Variants in ALOX5 observed in about 807,000 individuals in gnomAD.
ALOX5 encodes arachidonate 5-lipoxygenase, also known as polyunsaturated fatty acid 5-lipoxygenase.
In ALOX5, 64 loss-of-function variants were observed where a neutral mutation model predicts 87.9. That is an observed-to-expected ratio of 0.73 (90% confidence interval 0.60 to 0.90). ALOX5 has a LOEUF of 0.90. Among genes scored for constraint, ALOX5 ranks in the 40% least tolerant of loss-of-function variants. ALOX5 has a pLI of 0.00. For missense variants in ALOX5, 822 were observed against 907.5 expected, an observed-to-expected ratio of 0.91 and a Z score of 1.21; for synonymous variants, 388 against 355.1, an observed-to-expected ratio of 1.09 and a Z score of -1.04.
At chr10:45,443,258 AC>A (rs1564450937) in intron 10 of ALOX5, 42 bp downstream of exon 10, 1 of 1,596,330 alleles carries the variant, frequency 6.3e-7, no homozygotes, top group Non-Finnish European at 8.5e-7. Flanking sequence ...AGGAGCCGGG[AC>A]CCCTGCCTGA....
intron 2 of ALOX5, among the ~76,000 whole-genome samples, chr10:45,389,496 C>T (rs1214698516): frequency 2.6e-5 from 4 of 152,158 alleles, no homozygotes; most frequent in East Asian, 1.9e-4. Context: ...GCTGATCTCT[C>T]GGCAGAAACC....
In ALOX5 at chr10:45,392,026, C is replaced by T. The variant is rs560696960; in HGVS notation, c.350-3829C>T. Among the ~76,000 whole-genome samples, 16 of 151,398 alleles carry T rather than the reference C, an allele frequency of 1.1e-4. No individual in the cohort carries two copies. In the East Asian group the frequency reaches 3.1e-3, roughly 30 times the overall value. ...CCCCCCGCCCGGCCAGCCGCCCCGT[C>T]CGGGAGGGGAGGGGTTCAGCCCCCC... On this transcript the variant is annotated intron_variant, in intron 2 of 13. Transcript: ENST00000374391.
At chr10:45,422,520 T>G (rs562249775) in intron 4 of ALOX5, among the ~76,000 whole-genome samples, 1 of 152,216 alleles carries the variant, frequency 6.6e-6, no homozygotes, top group Non-Finnish European at 1.5e-5. Flanking sequence ...AGGTCACCTC[T>G]TAGTCCATGA....
intron 1 of ALOX5, among the ~76,000 whole-genome samples, chr10:45,377,503 C>T (rs1207449438): frequency 1.3e-5 from 2 of 152,052 alleles, no homozygotes; most frequent in African/African-American, 2.4e-5. Context: ...CCTCAATCTC[C>T]GGCTCTCTGT....
At chr10:45,400,041 A>G (rs1183913114) in intron 3 of ALOX5, among the ~76,000 whole-genome samples, 1 of 152,200 alleles carries the variant, frequency 6.6e-6, no homozygotes, top group African/African-American at 2.4e-5. Flanking sequence ...CTGCTACCGG[A>G]ATGTAAGATG....
chr10:45,444,350 AG>A, intron 13 of ALOX5, 64 bp downstream of exon 13: 1 of 1,478,266 alleles, frequency 6.8e-7, no homozygotes, highest in South Asian at 1.3e-5. Flanking sequence ...CCTCAGCCTC[AG>A]GGCTTTGTGA....
At chr10:45,442,827 T>C (rs550625892) in intron 9 of ALOX5, 30 of 576,376 alleles carry the variant, frequency 5.2e-5, no homozygotes, top group African/African-American at 5.6e-5. Flanking sequence ...TCCCTTGCAT[T>C]GGATTGGGCG....
Position 45,443,067 on chromosome 10 carries a change from G to A in ALOX5, c.1302G>A (p.Val434=), listed in dbSNP as rs756287174. The change falls in exon 10 of 14, where the codon GTG becomes GTA. Residue 434 remains valine (V), a synonymous_variant. Transcript: ENST00000374391. ...KANATGGGGH[V]QMVQRAMKDL... is the part of the protein sequence containing the mutation. ...ACGCCACAGGGGGCGGTGGGCACGT[G>A]CAGATGGTGCAGAGGGCCATGAAGG... is the stretch of plus-strand genomic sequence containing the variant. 3 of 1,613,392 alleles carry A rather than the reference G, an allele frequency of 1.9e-6. No homozygotes were observed. Among genetic ancestry groups the A allele is most frequent in the East Asian group, 2.2e-5 (1 of 44,892 alleles).
chr10:45,415,587 A>G (rs1424424049), intron 4 of ALOX5, among the ~76,000 whole-genome samples: 2 of 152,058 alleles, frequency 1.3e-5, no homozygotes, highest in Non-Finnish European at 2.9e-5. Flanking sequence ...ATAATAAAAA[A>G]AAAGACATAC....
chr10:45,415,158 C>A (rs1029107369), intron 4 of ALOX5, among the ~76,000 whole-genome samples: 15 of 152,162 alleles, frequency 9.9e-5, no homozygotes, highest in Non-Finnish European at 1.8e-4. Context: ...TGGCACTATT[C>A]ACAATAGCAA....
intron 2 of ALOX5, 102 bp from the exon 3 acceptor site, chr10:45,395,753 C>A: frequency 3.2e-6 from 3 of 943,132 alleles, no homozygotes; most frequent in Non-Finnish European, 3.4e-6. Flanking sequence ...GCACATAAAG[C>A]ACTCGGCATG....
chr10:45,378,036 C>T (rs1839689256), intron 1 of ALOX5, among the ~76,000 whole-genome samples: 1 of 152,130 alleles, frequency 6.6e-6, no homozygotes, highest in South Asian at 2.1e-4. Flanking sequence ...GAAACTGTGT[C>T]CAGCCTTCCT....
chr10:45,442,904 C>G (rs996710436), intron 9 of ALOX5, 134 bp from the exon 10 acceptor site: 1 of 904,730 alleles, frequency 1.1e-6, no homozygotes, highest in African/African-American at 1.7e-5. Context: ...ACATCCCTCC[C>G]CCATCTCACA....
chr10:45,420,281 G>A (rs897162091), intron 4 of ALOX5, among the ~76,000 whole-genome samples: 20 of 152,096 alleles, frequency 1.3e-4, no homozygotes, highest in African/African-American at 4.3e-4. Flanking sequence ...AATGTAGGGT[G>A]GTATCCCATC....
intron 9 of ALOX5, chr10:45,442,722 G>A (rs1842276492): frequency 2.7e-6 from 1 of 369,348 alleles, no homozygotes; most frequent in East Asian, 4.7e-5. Context: ...AGGCCCGCTG[G>A]TGCTGGGGTC....
At chr10:45,394,987 A>G (rs1840444393) in intron 2 of ALOX5, among the ~76,000 whole-genome samples, 1 of 152,234 alleles carries the variant, frequency 6.6e-6, no homozygotes, top group African/African-American at 2.4e-5. Context: ...GAGAAATGGG[A>G]ACACTTTTAT....
At chr10:45,445,181 A>C (rs1842397546) in intron 13 of ALOX5, among the ~76,000 whole-genome samples, 1 of 152,184 alleles carries the variant, frequency 6.6e-6, no homozygotes, top group South Asian at 2.1e-4. Flanking sequence ...GGGGTGGCCC[A>C]AGACAGCAGG....
intron 4 of ALOX5, among the ~76,000 whole-genome samples, chr10:45,419,564 G>T (rs1188079061): frequency 6.6e-6 from 1 of 152,256 alleles, no homozygotes; most frequent in Admixed American, 6.5e-5. Context: ...CAGCTACATG[G>T]ATGGCAGCGT....
intron 13 of ALOX5, among the ~76,000 whole-genome samples, 167 bp from the exon 14 acceptor site, chr10:45,445,341 C>CT (rs1842402883): frequency 6.6e-6 from 1 of 152,234 alleles, no homozygotes; most frequent in Admixed American, 6.5e-5. Flanking sequence ...CGACACTTGC[C>CT]TTCCCGAGGC....
Sources: gnomAD v4.1 joint callset for allele counts (sites outside exome capture counted in the v4.1 genomes callset) on GRCh38, gnomAD v4.1.1 for gene constraint, MANE v1.5 for transcripts, NCBI Gene and HGNC (gene_info 2026-07-23, HGNC 2026-07-21) for gene names.